Variants in VPS13A observed in about 807,000 individuals in gnomAD.
The protein encoded by VPS13A is intermembrane lipid transfer protein VPS13A.
Under a neutral mutation model 390.9 loss-of-function variants are expected in VPS13A, and 264 were observed. That is an observed-to-expected ratio of 0.68 (90% CI 0.61 to 0.75). The LOEUF (loss-of-function observed/expected upper bound fraction) is 0.75, where lower values mean the gene tolerates loss of function less well. Ranked by LOEUF, VPS13A falls within the 30% of genes least tolerant of loss-of-function variation. The pLI is 0.00. For missense variants in VPS13A, 3,409 were observed against 3,733.9 expected, an observed-to-expected ratio of 0.91 and a Z score of 2.27; for synonymous variants, 1,231 against 1,227.1, an observed-to-expected ratio of 1.00 and a Z score of -0.07.
chr9:77,275,421 T>G, intron 24 of VPS13A, 77 bp from the exon 25 acceptor site: 4 of 1,379,158 alleles, frequency 2.9e-6, no homozygotes, highest in Non-Finnish European at 4.1e-6. Flanking sequence ...GTTTTAGTGT[T>G]CATATTTATT....
intron 68 of VPS13A, among the ~76,000 whole-genome samples, chr9:77,383,597 A>G (rs553843242): frequency 1.8e-4 from 28 of 152,178 alleles, no homozygotes; most frequent in Admixed American, 8.5e-4. Flanking sequence ...TGAGCACGTT[A>G]TGATACCCAC....
Position 77,201,352 on chromosome 9 carries a change from A to AT in VPS13A, c.145-7dup. ...CTACTAATGTTTTGTGTATATATAA[A>AT]TTTTTTCTGTAGAGTCAACTGGATG... On this transcript the variant is annotated splice_polypyrimidine_tract_variant and intron_variant, in intron 2 of 71. Coordinates refer to ENST00000360280, the MANE Select transcript of VPS13A (RefSeq NM_033305.3). 6.3e-7 allele frequency: 1 copy of AT among 1,590,494 alleles called. No individual in the cohort carries two copies. The highest frequency in any genetic ancestry group is 8.6e-7 in the Non-Finnish European group (1 of 1,159,104).
intron 59 of VPS13A, among the ~76,000 whole-genome samples, chr9:77,362,453 A>G (rs765349672): frequency 2.0e-5 from 3 of 152,226 alleles, no homozygotes; most frequent in East Asian, 1.9e-4. Flanking sequence ...AACAACACAC[A>G]TGTGATTTTA....
At chr9:77,295,912 G>T in intron 33 of VPS13A, 66 bp downstream of exon 33, 1 of 1,457,736 alleles carries the variant, frequency 6.9e-7, no homozygotes. Context: ...AGACTTTGAT[G>T]TCTTGAGTAG....
At chr9:77,267,358 T>A (rs546339979) in intron 23 of VPS13A, among the ~76,000 whole-genome samples, 2 of 152,306 alleles carry the variant, frequency 1.3e-5, no homozygotes, top group South Asian at 2.1e-4. Context: ...TGTGTGGACG[T>A]CCTTTTTGTT....
intron 26 of VPS13A, 60 bp downstream of exon 26, chr9:77,276,281 A>G: frequency 1.4e-6 from 2 of 1,416,094 alleles, no homozygotes; most frequent in Non-Finnish European, 1.9e-6. Context: ...TACCTGCTAG[A>G]GAGTTTTCAA....
chr9:77,410,898 G>A (rs191606840), intron 71 of VPS13A, among the ~76,000 whole-genome samples: 1 of 152,290 alleles, frequency 6.6e-6, no homozygotes, highest in Admixed American at 6.5e-5. Context: ...AAGTTAACAA[G>A]GATATCCAGG....
Position 77,318,470 on chromosome 9 carries a change from T to C in VPS13A, c.5192T>C (p.Ile1731Thr), listed in dbSNP as rs778911382. 6.2e-7 allele frequency: 1 copy of C among 1,613,982 alleles called. No homozygotes were observed. The highest frequency in any genetic ancestry group is 1.7e-5 in the Admixed American group (1 of 60,010). ...AAAATGAACATTGATTCTATTTTTA[T>C]AGTTCTTGAGGCTGGAATTGGTCAT... Reference protein sequence around the residue: ...MIKMNIDSIFIVLEAGIGHRT... With the variant: ...MIKMNIDSIFTVLEAGIGHRT... Residue 1731 changes from isoleucine (I) to threonine (T), a missense_variant, in exon 41 of 72, where the codon ATA becomes ACA. By Grantham distance (89) the Ile-to-Thr change is moderately conservative (BLOSUM62 -1). This residue lies in a region of VPS13A where 2,717 missense variants were observed against 2,917.4 expected (regional missense o/e 0.93). Transcript: ENST00000360280.
At chr9:77,189,026 G>A (rs188229590) in intron 1 of VPS13A, among the ~76,000 whole-genome samples, 49 of 151,546 alleles carry the variant, frequency 3.2e-4, no homozygotes, top group African/African-American at 1.2e-3. Context: ...TTTGTTGGAT[G>A]TATAGCTTGC....
At chr9:77,288,506 T>C (rs1446252111) in intron 31 of VPS13A, among the ~76,000 whole-genome samples, 1 of 152,226 alleles carries the variant, frequency 6.6e-6, no homozygotes, top group African/African-American at 2.4e-5. Context: ...CTAATTTCTC[T>C]TCTGACTTTC....
At position 77,321,315 on chromosome 9, in the gene VPS13A, C is replaced by T. The variant is rs2131448587; in HGVS notation, c.5562C>T (p.Asn1854=). Residue 1854 remains asparagine (N), a synonymous_variant, in exon 43 of 72, where the codon AAC becomes AAT. Coordinates refer to ENST00000360280, the MANE Select transcript of VPS13A (RefSeq NM_033305.3). ...TLSKCGLVML[N]NLVKAFTEAA... ...CCAAATGTGGTCTTGTAATGTTAAA[C>T]AATTTAGTCAAGGTAAGAAAAGAAA... 1 of 1,605,866 alleles carries T rather than the reference C, an allele frequency of 6.2e-7. No homozygotes were observed. Among genetic ancestry groups the T allele is most frequent in the Non-Finnish European group, 8.5e-7 (1 of 1,174,462 alleles).
intron 1 of VPS13A, among the ~76,000 whole-genome samples, chr9:77,183,494 G>T (rs1017093878): frequency 5.3e-5 from 8 of 152,126 alleles, no homozygotes; most frequent in African/African-American, 1.9e-4. Flanking sequence ...TATTCTTTCA[G>T]TCTGGCTTAT....
At chr9:77,284,505 C>A (rs945406267) in intron 31 of VPS13A, among the ~76,000 whole-genome samples, 1 of 152,060 alleles carries the variant, frequency 6.6e-6, no homozygotes, top group Non-Finnish European at 1.5e-5. Flanking sequence ...AGAAATTTTC[C>A]AGAAGCCGTG....
intron 57 of VPS13A, 77 bp from the exon 58 acceptor site, chr9:77,359,256 T>C: frequency 8.7e-7 from 1 of 1,155,402 alleles, no homozygotes; most frequent in Non-Finnish European, 1.3e-6. Context: ...AATTTTCCAT[T>C]GTGGTGTATA....
chr9:77,399,167 T>TAATAAAAAAAA (rs1834246185), intron 68 of VPS13A, among the ~76,000 whole-genome samples: 1 of 86,058 alleles, frequency 1.2e-5, no homozygotes, highest in Non-Finnish European at 2.5e-5. Context: ...TAGAGTATAA[T>TAATAAAAAAAA]AAAAAAAAAA....
intron 68 of VPS13A, 175 bp downstream of exon 68, chr9:77,382,262 T>G (rs201581256): frequency 6.7e-7 from 1 of 1,488,704 alleles, no homozygotes; most frequent in Admixed American, 2.5e-5. Flanking sequence ...TATAAGATTT[T>G]TTTTTCTTTT....
At position 77,340,292 on chromosome 9, in the gene VPS13A, T is replaced by A. The variant is rs1259414902; in HGVS notation, c.6879+10T>A. The stretch of plus-strand genomic sequence containing the variant: ...GAAAATGGACTATCAAGTGAGTTCA[T>A]TCTATGCTTATCAAGAAACTTTTAT... On this transcript the variant is annotated intron_variant, in intron 49 of 71. Transcript: ENST00000360280. The A allele has an allele frequency of 1.2e-6, 2 of 1,610,884 alleles. No homozygotes were observed. Among genetic ancestry groups the A allele is most frequent in the East Asian group, 4.5e-5 (2 of 44,712 alleles).
chr9:77,287,604 GAAA>G (rs984962552), intron 31 of VPS13A, among the ~76,000 whole-genome samples: 33 of 152,128 alleles, frequency 2.2e-4, no homozygotes, highest in Admixed American at 4.6e-4. Flanking sequence ...TATGTGCTTT[GAAA>G]ACCAAGAAAG....
chr9:77,235,939 T>G (rs1166492656), intron 17 of VPS13A, among the ~76,000 whole-genome samples: 1 of 152,186 alleles, frequency 6.6e-6, no homozygotes, highest in Non-Finnish European at 1.5e-5. Flanking sequence ...CCATACAACC[T>G]TTGTTTTTCA....
Sources: gnomAD v4.1 joint callset for allele counts (sites outside exome capture counted in the v4.1 genomes callset) on GRCh38, gnomAD v4.1.1 for gene constraint, gnomAD v4.1.1 regional missense constraint, MANE v1.5 for transcripts, NCBI Gene and HGNC (gene_info 2026-07-23, HGNC 2026-07-21) for gene names.